Variants in ZNF44 observed in about 807,000 individuals in gnomAD.
The protein encoded by ZNF44 is zinc finger protein 44, also known as gonadotropin inducible transcription repressor-2.
Under a neutral mutation model 11.7 loss-of-function variants are expected in ZNF44, and 9 were observed. The observed-to-expected ratio is 0.77, with a 90% confidence interval of 0.46 to 1.35. ZNF44 has a LOEUF of 1.35. ZNF44 is among the 40% of genes most tolerant of loss of function. The pLI is 0.00. For missense variants in ZNF44, 696 were observed against 743.1 expected, an observed-to-expected ratio of 0.94 and a Z score of 0.74; for synonymous variants, 224 against 242.7, an observed-to-expected ratio of 0.92 and a Z score of 0.72.
At chr19:12,249,503 C>T (rs1488979732) in intron 7 of ZNF44, among the ~76,000 whole-genome samples, 2 of 128,132 alleles carry the variant, frequency 1.6e-5, no homozygotes, top group African/African-American at 6.3e-5. Context: ...AAGACTCCGT[C>T]TCAGAAAAAA....
At chr19:12,276,733 T>C (rs191159544) in intron 1 of ZNF44, among the ~76,000 whole-genome samples, 2 of 152,210 alleles carry the variant, frequency 1.3e-5, no homozygotes, top group Non-Finnish European at 2.9e-5. Context: ...TAATCAAAGG[T>C]AGTGGTTTAA....
At chr19:12,280,393 G>A (rs1422265936) in intron 1 of ZNF44, among the ~76,000 whole-genome samples, 1 of 151,936 alleles carries the variant, frequency 6.6e-6, no homozygotes, top group Non-Finnish European at 1.5e-5. Flanking sequence ...TGAAATTGAA[G>A]GCCCATTAGT....
At chr19:12,235,332 G>A (rs1768866850) in intron 1 of ZNF44, among the ~76,000 whole-genome samples, 1 of 152,154 alleles carries the variant, frequency 6.6e-6, no homozygotes, top group Non-Finnish European at 1.5e-5. Context: ...TCGCGCCACT[G>A]CAGTCCGACC....
intron 1 of ZNF44, among the ~76,000 whole-genome samples, chr19:12,292,855 G>GTTTTTTTTTTTTTTTTTTTTTTTTTTT (rs71166664): frequency 2.6e-5 from 2 of 76,916 alleles, no homozygotes; most frequent in African/African-American, 9.7e-5. Context: ...CAGAGGTTAG[G>GTTTTTTTTTTTTTTTTTTTTTTTTTTT]TTTTTTTTTT....
chr19:12,242,647 A>G (rs542702920), downstream of ZNF44: 4 of 142,926 alleles, frequency 2.8e-5, no homozygotes, highest in Non-Finnish European at 6.1e-5. Flanking sequence ...TAAGACCTAT[A>G]TAGTAAGACC....
chr19:12,240,262 G>A (rs920555867), upstream of ZNF44, among the ~76,000 whole-genome samples: 1 of 151,754 alleles, frequency 6.6e-6, no homozygotes, highest in Non-Finnish European at 1.5e-5. Flanking sequence ...TGGCCAACAC[G>A]GTGAAACCCC....
At chr19:12,231,944 G>A (rs1916181500) in intron 2 of ZNF44, among the ~76,000 whole-genome samples, 1 of 152,224 alleles carries the variant, frequency 6.6e-6, no homozygotes, top group Admixed American at 6.5e-5. Context: ...GGGAGACCCA[G>A]GGAACCAGAG....
At chr19:12,286,024 A>C (rs377150738) in intron 1 of ZNF44, among the ~76,000 whole-genome samples, 1 of 152,102 alleles carries the variant, frequency 6.6e-6, no homozygotes, top group Admixed American at 6.6e-5. Flanking sequence ...ATCTCAAAAA[A>C]AACTCAAAAA....
At chr19:12,280,826 T>C (rs1967448713) in intron 1 of ZNF44, among the ~76,000 whole-genome samples, 1 of 152,120 alleles carries the variant, frequency 6.6e-6, no homozygotes, top group African/African-American at 2.4e-5. Context: ...ACAAATCAGG[T>C]TTTAGATTTT....
intron 1 of ZNF44, chr19:12,276,288 G>A (rs1967216974): frequency 1.5e-6 from 1 of 680,308 alleles, no homozygotes; most frequent in Admixed American, 2.2e-5. Flanking sequence ...TAACAGTTGA[G>A]TAGGAACATA....
Position 12,273,333 on chromosome 19 carries a change from G to A in ZNF44, c.922C>T (p.Pro308Ser). ...VHERIHTGEK[P>S]YTCKQCGKAF... ...TTCCCACACTGTTTACATGTATAGG[G>A]TTTCTCTCCAGTGTGAATTCTTTCA... The change falls in exon 4 of 4, where the codon CCC (proline) becomes TCC (serine). Residue 308 changes from proline to serine, a missense_variant. Physicochemically the swap from Pro to Ser is moderately conservative, Grantham distance 74. Transcript: ENST00000355684. The A allele has an allele frequency of 6.2e-7, 1 of 1,613,794 alleles. No homozygotes were observed. Among genetic ancestry groups the A allele is most frequent in the Non-Finnish European group, 8.5e-7 (1 of 1,179,936 alleles).
chr19:12,255,508 TAGAG>T (rs1917214620), intron 5 of ZNF44, among the ~76,000 whole-genome samples: 1 of 152,164 alleles, frequency 6.6e-6, no homozygotes. Context: ...AAACTAGCAA[TAGAG>T]AGAAACTACT....
intron 5 of ZNF44, chr19:12,260,626 A>C (rs1221738181): frequency 9.7e-6 from 6 of 616,924 alleles, no homozygotes; most frequent in Non-Finnish European, 1.5e-5. Context: ...AAAACAAAAA[A>C]ACAAAACAAA....
intron 2 of ZNF44, among the ~76,000 whole-genome samples, chr19:12,231,963 A>AT (rs1160527605): frequency 6.6e-6 from 1 of 152,232 alleles, no homozygotes; most frequent in African/African-American, 2.4e-5. Flanking sequence ...AGTTCAGCAT[A>AT]TGGAGGATCC....
upstream of ZNF44, among the ~76,000 whole-genome samples, chr19:12,238,675 A>T (rs2145682227): frequency 6.6e-6 from 1 of 151,470 alleles, no homozygotes; most frequent in Non-Finnish European, 1.5e-5. Flanking sequence ...ACGTGCCTGT[A>T]ATCCCAGCTA....
intron 5 of ZNF44, among the ~76,000 whole-genome samples, chr19:12,256,091 G>A (rs2438576): frequency 0.055 from 8,179 of 149,734 alleles, 781 homozygotes; most frequent in African/African-American, 0.19. Flanking sequence ...GGAGTCAGAG[G>A]GCATTAATTG....
intron 1 of ZNF44, among the ~76,000 whole-genome samples, chr19:12,292,799 C>T (rs1968063253): frequency 6.6e-6 from 1 of 151,070 alleles, no homozygotes; most frequent in South Asian, 2.1e-4. Flanking sequence ...AGCCATGCGT[C>T]ACCAAGGAAT....
chr19:12,273,593 C>T lies in ZNF44; in HGVS notation c.662G>A (p.Gly221Glu). ...LLRMHERTHT[G>E]EKPYECKQCS... ...CTGCTTACATTCATATGGTTTCTCT[C>T]CAGTGTGAGTTCTTTCATGCATACG... is the stretch of plus-strand genomic sequence containing the variant. Residue 221 changes from glycine (G) to glutamate (E), a missense_variant, in exon 4 of 4, where the codon GGA becomes GAA. Physicochemically the swap from Gly to Glu is moderately conservative, Grantham distance 98. Transcript: ENST00000355684. The T allele has an allele frequency of 6.2e-7, 1 of 1,614,120 alleles. No individual in the cohort carries two copies. The highest frequency in any genetic ancestry group is 8.5e-7 in the Non-Finnish European group (1 of 1,180,018).
exon 4 of ZNF44, chr19:12,226,217 T>TAG (rs1915912068): frequency 6.6e-6 from 1 of 152,200 alleles, no homozygotes; most frequent in Non-Finnish European, 1.5e-5. Context: ...AACTTTGTTT[T>TAG]GTAGAAGGAA....
Sources: allele counts gnomAD v4.1 joint callset (sites outside exome capture counted in the v4.1 genomes callset), GRCh38; gene constraint gnomAD v4.1.1; transcripts MANE v1.5; gene names NCBI Gene and HGNC (gene_info 2026-07-23, HGNC 2026-07-21).